Variants in ZNF283 observed in about 807,000 individuals in gnomAD.
The protein encoded by ZNF283 is zinc finger protein 41.
Under a neutral mutation model 9.2 loss-of-function variants are expected in ZNF283, and 10 were observed. That is an observed-to-expected ratio of 1.09 (90% confidence interval 0.67 to 1.85). The LOEUF (loss-of-function observed/expected upper bound fraction) is 1.85, where lower values mean the gene tolerates loss of function less well. Ranked by LOEUF, ZNF283 falls within the 40% of genes most tolerant of loss-of-function variation. The pLI is 0.00. For synonymous variants in ZNF283, 234 were observed against 244.1 expected (o/e 0.96, Z 0.38); for missense variants, 631 against 760.1 (o/e 0.83, Z 2.00).
intron 4 of ZNF283, among the ~76,000 whole-genome samples, chr19:43,834,563 T>C (rs1412900385): frequency 3.3e-5 from 5 of 150,942 alleles, no homozygotes; most frequent in Non-Finnish European, 7.4e-5. Flanking sequence ...TTAATATATA[T>C]AGATATATAA....
At chr19:43,832,872 T>C (rs1035425524) in intron 3 of ZNF283, among the ~76,000 whole-genome samples, 2 of 151,592 alleles carry the variant, frequency 1.3e-5, no homozygotes, top group African/African-American at 4.8e-5. Context: ...TAAAGAAGAA[T>C]CATTAGTCGG....
At chr19:43,830,905 A>C in intron 2 of ZNF283, among the ~76,000 whole-genome samples, 1 of 111,000 alleles carries the variant, frequency 9.0e-6, no homozygotes, top group East Asian at 2.1e-4. Context: ...TCCATCTAAA[A>C]AAAAAAAAAA....
chr19:43,847,967 G>A lies in ZNF283; in HGVS notation c.1366G>A (p.Glu456Lys), dbSNP rs1971480729. 6.2e-7 allele frequency: 1 copy of A among 1,613,854 alleles called. No homozygotes were observed. Among genetic ancestry groups the A allele is most frequent in the Admixed American group, 1.7e-5 (1 of 59,980 alleles). Residue 456 changes from glutamate (E) to lysine (K), a missense_variant, in exon 7 of 7, where the codon GAG becomes AAG. By Grantham distance (56) the Glu-to-Lys change is moderately conservative (BLOSUM62 1). Transcript: ENST00000618787. ...TCAACATCAGAAAATCCATACTGGT[G>A]AGAAACCTTTTGAATGTAAGGAATG... ...LSQHQKIHTG[E>K]KPFECKECGK...
Position 43,831,187 on chromosome 19 carries a change from A to T in ZNF283, c.-64-131A>T, listed in dbSNP as rs149180839. 677 of 540,364 alleles carry T rather than the reference A, an allele frequency of 1.3e-3. 7 individuals are homozygous for T. Among genetic ancestry groups the T allele is most frequent in the East Asian group, 0.013 (402 of 32,098 alleles). The allele number at this position is 540,364 out of a possible 1,614,324, so 33.5% of individuals were successfully genotyped here. On this transcript the variant is annotated intron_variant, in intron 2 of 6. Transcript: ENST00000618787. The stretch of plus-strand genomic sequence containing the variant: ...AAAATGTTACTTTAATTGGTCATTC[A>T]CTGAAGAAGTGGAAAGGTGCAGCCG...
At position 43,847,027 on chromosome 19, in the gene ZNF283, C is replaced by G; in HGVS notation, c.426C>G (p.Asp142Glu). 6.2e-7 allele frequency: 1 copy of G among 1,607,348 alleles called. No individual in the cohort carries two copies. The highest frequency in any genetic ancestry group is 8.5e-7 in the Non-Finnish European group (1 of 1,177,188). Residue 142 changes from aspartate (D) to glutamate (E), a missense_variant, in exon 7 of 7, where the codon GAC becomes GAG. Asp to Glu is a conservative substitution (Grantham distance 45, BLOSUM62 2). This residue lies in a region of ZNF283 where 184 missense variants were observed against 220.0 expected (regional missense o/e 0.84). Transcript: ENST00000618787. ...EINFSQWEMK[D>E]KSKTLGLEAS... ...ATTTTTCCCAGTGGGAGATGAAGGA[C>G]AAAAGTAAAACCCTTGGCCTTGAGG...
Position 43,846,958 on chromosome 19 carries a change from T to C in ZNF283, c.357T>C (p.Tyr119=). ...TTTCAGATTTGGAGTCAAAAACGTA[T>C]GAGACCAAAAAAATATTTTCAGAAA... The part of the protein sequence containing the change: ...LVSLDLESKT[Y]ETKKIFSEND... The change falls in exon 7 of 7, where the codon TAT becomes TAC. Residue 119 remains tyrosine (Y), a synonymous_variant. Coordinates refer to ENST00000618787, the MANE Select transcript of ZNF283 (RefSeq NM_181845.2). The C allele has an allele frequency of 6.3e-7, 1 of 1,579,588 alleles. No homozygotes were observed. Among genetic ancestry groups the C allele is most frequent in the Non-Finnish European group, 8.6e-7 (1 of 1,162,940 alleles).
Position 43,831,365 on chromosome 19 carries a change from A to G in ZNF283, c.-17A>G, listed in dbSNP as rs1434197901. ...TCTCATTACATTGAATAACAGCTAC[A>G]GGATGTTCGAGAGCTGGTAGGTGTA... On this transcript the variant is annotated 5_prime_UTR_variant, in exon 3 of 7. Transcript: ENST00000618787. The G allele has an allele frequency of 3.1e-6, 5 of 1,595,750 alleles. No homozygotes were observed. Among genetic ancestry groups the G allele is most frequent in the Non-Finnish European group, 3.4e-6 (4 of 1,178,616 alleles).
rs1168412674 is a variant in ZNF283, at chr19:43,847,440, A to T, written c.839A>T (p.Lys280Ile). Residue 280 changes from lysine (K) to isoleucine (I), a missense_variant, in exon 7 of 7, where the codon AAA becomes ATA. Physicochemically the swap from Lys to Ile is moderately radical, Grantham distance 102. Transcript: ENST00000618787. ...KTFSWGSSLV[K>I]HERIHTGEKP... ...TTTAGCTGGGGATCAAGCCTTGTTA[A>T]ACATGAGAGAATTCACACTGGTGAG... The T allele has an allele frequency of 1.2e-6, 2 of 1,614,010 alleles. No individual in the cohort carries two copies. Among genetic ancestry groups the T allele is most frequent in the Non-Finnish European group, 1.7e-6 (2 of 1,179,924 alleles).
rs373516720 is a variant in ZNF283 at position 43,847,808 on chromosome 19, T to A, written c.1207T>A (p.Tyr403Asn). ...HQIFHTGEKP[Y>N]ECKECGKAFN... Reference sequence around the variant, plus strand: ...GATATTTCATACTGGTGAGAAACCCTATGAATGCAAGGAATGTGGGAAGGC... The same window carrying A: ...GATATTTCATACTGGTGAGAAACCCAATGAATGCAAGGAATGTGGGAAGGC... The change falls in exon 7 of 7, where the codon TAT becomes AAT. Residue 403 changes from tyrosine (Y) to asparagine (N), a missense_variant. Coordinates refer to ENST00000618787, the MANE Select transcript of ZNF283 (RefSeq NM_181845.2). 1.9e-6 allele frequency: 3 copies of A among 1,613,868 alleles called. No homozygotes were observed. Among genetic ancestry groups the A allele is most frequent in the African/African-American group, 1.3e-5 (1 of 74,876 alleles).
At chr19:43,839,682 C>T (rs766426873) in intron 6 of ZNF283, among the ~76,000 whole-genome samples, 1 of 152,074 alleles carries the variant, frequency 6.6e-6, no homozygotes, top group Non-Finnish European at 1.5e-5. Flanking sequence ...GACTCATTTT[C>T]AAGTTTGCTG....
At chr19:43,842,596 G>C (rs1971257538) in intron 6 of ZNF283, among the ~76,000 whole-genome samples, 1 of 152,332 alleles carries the variant, frequency 6.6e-6, no homozygotes, top group Non-Finnish European at 1.5e-5. Context: ...CTTACTCTAG[G>C]TAGGGCAGTG....
intron 6 of ZNF283, among the ~76,000 whole-genome samples, chr19:43,838,348 C>T (rs962450515): frequency 2.0e-5 from 3 of 152,076 alleles, no homozygotes; most frequent in Non-Finnish European, 4.4e-5. Flanking sequence ...TGGAACTGGG[C>T]ACAGTGGTGG....
chr19:43,830,358 G>A (rs1404937062), intron 2 of ZNF283, among the ~76,000 whole-genome samples: 9 of 152,266 alleles, frequency 5.9e-5, no homozygotes, highest in East Asian at 1.9e-4. Flanking sequence ...GATTACAGGC[G>A]TGAGCCACTG....
chr19:43,848,615 A>G lies in ZNF283; in HGVS notation c.2014A>G (p.Lys672Glu), dbSNP rs1448793177. Residue 672 changes from lysine to glutamate, a missense_variant, in exon 7 of 7, where the codon AAA becomes GAA. This residue lies in a region of ZNF283 where 444 missense variants were observed against 522.5 expected (regional missense o/e 0.85). Coordinates refer to ENST00000618787, the MANE Select transcript of ZNF283 (RefSeq NM_181845.2). ...TCTGTGGACAACTTACTCAAATGAG[A>G]AAATTGATACTGATGAAACCTTATG... Reference protein sequence around the residue: ...AFLWTTYSNEKIDTDETL With the variant: ...AFLWTTYSNEEIDTDETL 1 of 1,570,214 alleles carries G rather than the reference A, an allele frequency of 6.4e-7. No homozygotes were observed. The highest frequency in any genetic ancestry group is 8.7e-7 in the Non-Finnish European group (1 of 1,155,998).
chr19:43,843,114 G>A (rs141084885), intron 6 of ZNF283, among the ~76,000 whole-genome samples: 1,580 of 152,202 alleles, frequency 0.01, 24 homozygotes, highest in African/African-American at 0.035. Context: ...AGGCCAAGGC[G>A]GACAGATCAC....
chr19:43,832,078 C>G (rs1970735215), intron 3 of ZNF283, among the ~76,000 whole-genome samples: 1 of 151,444 alleles, frequency 6.6e-6, no homozygotes, highest in African/African-American at 2.4e-5. Flanking sequence ...AAATCCAACC[C>G]AGTTCTAGGT....
rs567267156 is a variant in ZNF283 at position 43,840,180 on chromosome 19, CAGTT to C, written c.337+3005_337+3008del. 1.2e-3 allele frequency among the ~76,000 whole-genome samples: 188 copies of C among 152,168 alleles called. 3 individuals are homozygous for C. Among genetic ancestry groups the C allele is most frequent in the Admixed American group, 0.011 (168 of 15,278 alleles). On this transcript the variant is annotated intron_variant, in intron 6 of 6. Coordinates refer to ENST00000618787, the MANE Select transcript of ZNF283 (RefSeq NM_181845.2). ...ATTTCTGTTCCATCATCTCTACAGTCAGTTAGTACCAGACAAAGATTTACTTAAA... is the reference window on the plus strand; with the variant it reads ...ATTTCTGTTCCATCATCTCTACAGTCAGTACCAGACAAAGATTTACTTAAA...
At chr19:43,831,978 GT>G (rs61655320) in intron 3 of ZNF283, among the ~76,000 whole-genome samples, 48,655 of 149,112 alleles carry the variant, frequency 0.33, 8,938 homozygotes, top group South Asian at 0.56. Context: ...CTATGGGTCT[GT>G]TTTTTTTTTC....
intron 6 of ZNF283, among the ~76,000 whole-genome samples, chr19:43,844,292 A>G (rs988706814): frequency 2.5e-4 from 38 of 149,614 alleles, no homozygotes; most frequent in Non-Finnish European, 4.9e-4. Context: ...AAGAAGTTAA[A>G]CCCATATTTA....
Sources: allele counts gnomAD v4.1 joint callset (sites outside exome capture counted in the v4.1 genomes callset), GRCh38; gene constraint gnomAD v4.1.1; regional missense constraint gnomAD v4.1.1; transcripts MANE v1.5; gene names NCBI Gene and HGNC (gene_info 2026-07-23, HGNC 2026-07-21).